ATP9B: variants seen among roughly 807,000 people sequenced by gnomAD.
The protein encoded by ATP9B is ATPase phospholipid transporting 9B.
A neutral mutation model predicts 146.1 loss-of-function variants in ATP9B; 110 were observed. The observed-to-expected ratio is 0.75, with a 90% CI of 0.65 to 0.88. The LOEUF (loss-of-function observed/expected upper bound fraction) is 0.88. Among genes scored for constraint, ATP9B ranks in the 40% least tolerant of loss-of-function variants. The pLI is 0.00. For missense variants in ATP9B, 1,499 were observed against 1,496.4 expected, an observed-to-expected ratio of 1.00 and a Z score of -0.03; for synonymous variants, 604 against 569.7, an observed-to-expected ratio of 1.06 and a Z score of -0.86.
chr18:79,201,400 A>T (rs1257479588), intron 9 of ATP9B, among the ~76,000 whole-genome samples: 1 of 152,180 alleles, frequency 6.6e-6, no homozygotes, highest in Non-Finnish European at 1.5e-5. Context: ...TTTATAGTGT[A>T]ATATACATAA....
chr18:79,070,713 G>T (rs1267410060), intron 1 of ATP9B, among the ~76,000 whole-genome samples: 1 of 151,908 alleles, frequency 6.6e-6, no homozygotes, highest in Admixed American at 6.6e-5. Context: ...GCACATTCAA[G>T]ATTTTTTGTC....
chr18:79,275,634 T>C (rs1275126320), intron 12 of ATP9B, among the ~76,000 whole-genome samples: 1 of 152,214 alleles, frequency 6.6e-6, no homozygotes, highest in Non-Finnish European at 1.5e-5. Context: ...GGTGGGTAAC[T>C]TGTAGGCGTC....
chr18:79,258,449 A>G (rs1477134391), intron 12 of ATP9B, among the ~76,000 whole-genome samples: 1 of 152,162 alleles, frequency 6.6e-6, no homozygotes, highest in Non-Finnish European at 1.5e-5. Context: ...AATAATAATA[A>G]TAAGAGAAGA....
intron 4 of ATP9B, among the ~76,000 whole-genome samples, chr18:79,113,839 G>A (rs945708052): frequency 2.6e-5 from 4 of 152,196 alleles, no homozygotes; most frequent in African/African-American, 9.7e-5. Context: ...ATCAATGAAT[G>A]TTTCCATTTC....
chr18:79,122,956 A>T (rs2094214457), intron 4 of ATP9B, among the ~76,000 whole-genome samples: 1 of 152,168 alleles, frequency 6.6e-6, no homozygotes. Flanking sequence ...TCTGTTCTTA[A>T]AATTTTGTAC....
intron 11 of ATP9B, among the ~76,000 whole-genome samples, chr18:79,216,218 A>C (rs1337656275): frequency 1.3e-5 from 2 of 151,782 alleles, no homozygotes; most frequent in Non-Finnish European, 2.9e-5. Flanking sequence ...ATTTCTTCCC[A>C]TCTATACACC....
At chr18:79,307,765 C>T (rs1266275896) in intron 15 of ATP9B, among the ~76,000 whole-genome samples, 1 of 152,148 alleles carries the variant, frequency 6.6e-6, no homozygotes, top group Non-Finnish European at 1.5e-5. Context: ...TCTAACTTTA[C>T]ATCACTCTTT....
At position 79,239,836 on chromosome 18, in the gene ATP9B, C is replaced by T. The variant is rs1284777533; in HGVS notation, c.1108-13545C>T. On this transcript the variant is annotated intron_variant, in intron 11 of 29. Coordinates refer to ENST00000426216, the MANE Select transcript of ATP9B (RefSeq NM_198531.5). This position sits in a 1 kb window ranked among gnomAD's most constrained non-coding sequence, Gnocchi z 5.1. Reference sequence around the variant, plus strand: ...AGTTAATTATTACACGGAGGCGTTACTGAAGAGGCATCTGAATGTGGCTGG... The same window carrying T: ...AGTTAATTATTACACGGAGGCGTTATTGAAGAGGCATCTGAATGTGGCTGG... Among the ~76,000 whole-genome samples, 2 of 152,220 alleles carry T rather than the reference C, an allele frequency of 1.3e-5. No homozygotes were observed. The highest frequency in any genetic ancestry group is 2.9e-5 in the Non-Finnish European group (2 of 68,042).
intron 17 of ATP9B, among the ~76,000 whole-genome samples, chr18:79,335,790 G>A (rs925036636): frequency 1.3e-5 from 2 of 152,228 alleles, no homozygotes; most frequent in South Asian, 4.1e-4. Flanking sequence ...CAGATTCACG[G>A]AGTTAGTCCC....
rs375424842 is a variant in ATP9B at position 79,213,990 on chromosome 18, C to T, written c.1059C>T (p.Thr353=). 22 of 1,603,102 alleles carry T rather than the reference C, an allele frequency of 1.4e-5. No homozygotes were observed. The highest frequency in any genetic ancestry group is 4.0e-5 in the African/African-American group (3 of 74,338). Residue 353 remains threonine (T), a synonymous_variant, in exon 11 of 30, where the codon ACC becomes ACT. Coordinates refer to ENST00000426216, the MANE Select transcript of ATP9B (RefSeq NM_198531.5). ...SGTVIGVVIY[T]GKETRSVMNT... ...CTGTAATAGGTGTTGTCATTTATAC[C>T]GGAAAAGAGACTCGAAGTGTAATGA...
rs969353643 is a variant in ATP9B at position 79,245,515 on chromosome 18, C to T, written c.1108-7866C>T. Reference sequence around the variant, plus strand: ...AACTTAGTTTTTAGCTCTGAAACTTCGAAAAGCCTTAGGAGGGCACCACCC... The same window carrying T: ...AACTTAGTTTTTAGCTCTGAAACTTTGAAAAGCCTTAGGAGGGCACCACCC... On this transcript the variant is annotated intron_variant, in intron 11 of 29. Transcript: ENST00000426216. 2.0e-5 allele frequency among the ~76,000 whole-genome samples: 3 copies of T among 152,204 alleles called. 1 individual carries two copies. Among genetic ancestry groups the T allele is most frequent in the Admixed American group, 1.3e-4 (2 of 15,280 alleles).
chr18:79,243,328 G>T (rs2095907869), intron 11 of ATP9B, among the ~76,000 whole-genome samples: 2 of 152,146 alleles, frequency 1.3e-5, no homozygotes, highest in South Asian at 4.1e-4. Flanking sequence ...TAATTGCAAG[G>T]GGAATGAAAT....
intron 1 of ATP9B, among the ~76,000 whole-genome samples, chr18:79,077,173 A>G (rs1281499909): frequency 6.6e-6 from 1 of 152,100 alleles, no homozygotes; most frequent in African/African-American, 2.4e-5. Flanking sequence ...TTTGGGGATA[A>G]TGAGTGATTT....
intron 11 of ATP9B, among the ~76,000 whole-genome samples, chr18:79,233,679 A>T (rs946228665): frequency 2.0e-5 from 3 of 152,198 alleles, no homozygotes; most frequent in African/African-American, 4.8e-5. Context: ...AAGGAAATAC[A>T]GTTGACCAAT....
At chr18:79,314,675 A>G (rs2096669887) in intron 15 of ATP9B, among the ~76,000 whole-genome samples, 1 of 152,226 alleles carries the variant, frequency 6.6e-6, no homozygotes, top group Admixed American at 6.5e-5. Context: ...TTTCTCTAAG[A>G]GAGTAGAAAG....
chr18:79,226,111 A>G (rs2095731402), intron 11 of ATP9B, among the ~76,000 whole-genome samples: 1 of 152,204 alleles, frequency 6.6e-6, no homozygotes, highest in Non-Finnish European at 1.5e-5. Context: ...TTTCTCACCC[A>G]GTTCACGACA....
intron 26 of ATP9B, among the ~76,000 whole-genome samples, chr18:79,371,472 G>A (rs529238570): frequency 8.0e-5 from 12 of 150,804 alleles, no homozygotes; most frequent in African/African-American, 2.4e-4. Context: ...CTCAAGCTCC[G>A]TCAGCATCTT....
chr18:79,217,503 C>G (rs920321544), intron 11 of ATP9B, among the ~76,000 whole-genome samples: 1 of 152,184 alleles, frequency 6.6e-6, no homozygotes, highest in African/African-American at 2.4e-5. Context: ...ATTTAAACAT[C>G]CAATTAAGAC....
At chr18:79,361,771 CGTT>C in intron 26 of ATP9B, 1 of 985,444 alleles carries the variant, frequency 1.0e-6, no homozygotes, top group Non-Finnish European at 1.2e-6. Flanking sequence ...CAGCACTCTG[CGTT>C]GTTGTCTGAT....
Sources: allele counts gnomAD v4.1 joint callset (sites outside exome capture counted in the v4.1 genomes callset), GRCh38; gene constraint gnomAD v4.1.1; non-coding constraint Gnocchi (gnomAD v3.1); transcripts MANE v1.5; gene names NCBI Gene and HGNC (gene_info 2026-07-23, HGNC 2026-07-21).